SLC25A48: variants seen among roughly 807,000 people sequenced by gnomAD.
The protein encoded by SLC25A48 is solute carrier family 25 member 48.
In SLC25A48, 29 loss-of-function variants were observed where a neutral mutation model predicts 32.2. That is an observed-to-expected ratio of 0.90 (90% confidence interval 0.67 to 1.23). SLC25A48 has a LOEUF of 1.23. SLC25A48 is among the 50% of genes most tolerant of loss of function. The pLI, the probability that SLC25A48 is intolerant of heterozygous loss-of-function variation, is 0.00. For synonymous variants in SLC25A48, 164 were observed against 172.3 expected, an observed-to-expected ratio of 0.95 and a Z score of 0.38; for missense variants, 399 against 422.7, an observed-to-expected ratio of 0.94 and a Z score of 0.49.
intron 6 of SLC25A48, among the ~76,000 whole-genome samples, chr5:135,878,680 CTG>C (rs1762222715): frequency 6.6e-6 from 1 of 152,180 alleles, no homozygotes; most frequent in South Asian, 2.1e-4. Context: ...ACTGAGGAAA[CTG>C]GGGAAATGAA....
chr5:135,879,886 A>C, intron 6 of SLC25A48, 82 bp from the exon 7 acceptor site: 1 of 1,500,196 alleles, frequency 6.7e-7, no homozygotes, highest in Non-Finnish European at 8.9e-7. Context: ...AGGCAGCACC[A>C]CTAGCTATTC....
chr5:135,772,232 C>A (rs1434973396), intron 3 of SLC25A48, among the ~76,000 whole-genome samples: 5 of 150,372 alleles, frequency 3.3e-5, no homozygotes, highest in Non-Finnish European at 7.4e-5. Flanking sequence ...AGGTGTACAC[C>A]TTTCTGAGAT....
At chr5:135,774,761 T>C (rs1261668236) in intron 3 of SLC25A48, among the ~76,000 whole-genome samples, 1 of 151,702 alleles carries the variant, frequency 6.6e-6, no homozygotes, top group Non-Finnish European at 1.5e-5. Context: ...CCCCGTGATA[T>C]TGATCATAAT....
upstream of SLC25A48, among the ~76,000 whole-genome samples, chr5:135,833,153 G>A (rs184053055): frequency 6.6e-6 from 1 of 152,354 alleles, no homozygotes; most frequent in East Asian, 1.9e-4. Flanking sequence ...CCCATGGGCA[G>A]GTTTGTGGCA....
At chr5:135,600,489 C>T (rs1420336452) in intron 1 of SLC25A48, among the ~76,000 whole-genome samples, 1 of 152,264 alleles carries the variant, frequency 6.6e-6, no homozygotes, top group East Asian at 1.9e-4. Flanking sequence ...CAGAATTGTG[C>T]CCATGCTGTC....
chr5:135,865,268 G>A lies in SLC25A48; in HGVS notation c.422-6193G>A, dbSNP rs895489755. Among the ~76,000 whole-genome samples, 6 of 152,124 alleles carry A rather than the reference G, an allele frequency of 3.9e-5. No homozygotes were observed. In the South Asian group the frequency reaches 6.2e-4, roughly 16 times the overall value. ...CATCTGCCTATCTTGGGCCTCTCAC[G>A]TCATGAGGAAACTGCTGGACTCTTA... On this transcript the variant is annotated intron_variant, in intron 4 of 7. Transcript: ENST00000681962.
intron 6 of SLC25A48, chr5:135,876,415 G>T (rs141096494): frequency 6.6e-6 from 1 of 152,070 alleles, no homozygotes; most frequent in African/African-American, 2.4e-5. Context: ...TCTCGATAGC[G>T]TTTGGTCCTC....
At chr5:135,753,311 T>G (rs1252997843) in intron 3 of SLC25A48, among the ~76,000 whole-genome samples, 1 of 151,974 alleles carries the variant, frequency 6.6e-6, no homozygotes, top group African/African-American at 2.4e-5. Context: ...CTTGAGAAAT[T>G]ATGCATAATA....
Position 135,699,404 on chromosome 5 carries a change from GA to G in SLC25A48, c.-521+64459del, listed in dbSNP as rs11385297. On this transcript the variant is annotated intron_variant, in intron 3 of 10. Coordinates refer to the SLC25A48 transcript ENST00000646290. ...GAATCCCCCAAAAACATTACGCTGG[GA>G]AAAAAAAAAAGCCAGACATGGAAGA... Among the ~76,000 whole-genome samples, 73 of 148,314 alleles carry G rather than the reference GA, an allele frequency of 4.9e-4. No homozygotes were observed. In the Middle Eastern group the frequency reaches 0.01, roughly 21 times the overall value.
In SLC25A48 at chr5:135,789,750, G is replaced by T. The variant is rs12653449; in HGVS notation, c.-520-22773G>T. 2.6e-5 allele frequency among the ~76,000 whole-genome samples: 4 copies of T among 151,624 alleles called. No homozygotes were observed. In the South Asian group the frequency reaches 6.2e-4, roughly 24 times the overall value. The stretch of plus-strand genomic sequence containing the variant: ...CTTAATATTAAGGGGGGATAGCCTG[G>T]TATTACTTCTCGATTGTACCTTGCG... On this transcript the variant is annotated intron_variant, in intron 3 of 10. Coordinates refer to the SLC25A48 transcript ENST00000646290.
At chr5:135,821,151 T>C (rs1757874746) in intron 4 of SLC25A48, among the ~76,000 whole-genome samples, 1 of 152,180 alleles carries the variant, frequency 6.6e-6, no homozygotes, top group Non-Finnish European at 1.5e-5. Context: ...ACTTGAAGAT[T>C]TGTGGAGAGG....
chr5:135,762,354 C>G (rs191329111), intron 3 of SLC25A48, among the ~76,000 whole-genome samples: 208 of 152,230 alleles, frequency 1.4e-3, no homozygotes, highest in Middle Eastern at 3.4e-3. Flanking sequence ...AGGCACACAT[C>G]GTGCTGGAAG....
intron 1 of SLC25A48, among the ~76,000 whole-genome samples, chr5:135,625,045 A>G (rs914804309): frequency 6.6e-6 from 1 of 151,986 alleles, no homozygotes; most frequent in African/African-American, 2.4e-5. Flanking sequence ...CCATGTGCTC[A>G]GAGGTCCTCA....
At chr5:135,807,334 T>C (rs1757486688) in intron 3 of SLC25A48, among the ~76,000 whole-genome samples, 1 of 104,864 alleles carries the variant, frequency 9.5e-6, no homozygotes, top group Non-Finnish European at 2.4e-5. Flanking sequence ...TATCACTAGA[T>C]ATAAATATCA....
chr5:135,722,335 C>T (rs1754976752), intron 3 of SLC25A48, among the ~76,000 whole-genome samples: 1 of 152,168 alleles, frequency 6.6e-6, no homozygotes, highest in Admixed American at 6.5e-5. Flanking sequence ...CTGCCCCAAG[C>T]TTCTTACACT....
chr5:135,762,292 G>T (rs545037911), intron 3 of SLC25A48, among the ~76,000 whole-genome samples: 1 of 152,294 alleles, frequency 6.6e-6, no homozygotes, highest in East Asian at 1.9e-4. Context: ...AGAGGCAAGG[G>T]CCCAATCTGC....
chr5:135,723,380 T>TCACACACACACACACA (rs138387748), intron 3 of SLC25A48, among the ~76,000 whole-genome samples: 9,441 of 111,316 alleles, frequency 0.085, 417 homozygotes, highest in Middle Eastern at 0.13. Context: ...TCTCTCTCTC[T>TCACACACACACACACA]CACACACACA....
chr5:135,822,757 C>T (rs1056708608), intron 4 of SLC25A48, among the ~76,000 whole-genome samples: 11 of 152,184 alleles, frequency 7.2e-5, no homozygotes, highest in African/African-American at 1.7e-4. Context: ...TAATTCACAG[C>T]GAACAGAGCA....
At chr5:135,659,214 C>A (rs1169930944) in intron 3 of SLC25A48, among the ~76,000 whole-genome samples, 1 of 151,978 alleles carries the variant, frequency 6.6e-6, no homozygotes, top group East Asian at 1.9e-4. Flanking sequence ...GCAGTCAGGC[C>A]ACATCTTGAA....
Sources: gnomAD v4.1 joint callset for allele counts (sites outside exome capture counted in the v4.1 genomes callset) on GRCh38, gnomAD v4.1.1 for gene constraint, MANE v1.5 for transcripts, NCBI Gene and HGNC (gene_info 2026-07-23, HGNC 2026-07-21) for gene names.